TLL2: variants seen among roughly 807,000 people sequenced by gnomAD.
The protein encoded by TLL2 is tolloid like 2.
In TLL2, 106 loss-of-function variants were observed where a neutral mutation model predicts 123.0. The observed-to-expected ratio is 0.86, with a 90% CI of 0.74 to 1.01. The LOEUF (loss-of-function observed/expected upper bound fraction) is 1.01. TLL2 is among the 50% of genes least tolerant of loss of function. The pLI is 0.00. For synonymous variants in TLL2, 494 were observed against 516.8 expected (o/e 0.96, Z 0.60); for missense variants, 1,332 against 1,336.7 (o/e 1.00, Z 0.06).
rs753115752 is a variant in TLL2, at chr10:96,368,074, C to T, written c.*14G>A. 4 of 1,611,518 alleles carry T rather than the reference C, an allele frequency of 2.5e-6. No individual in the cohort carries two copies. Among genetic ancestry groups the T allele is most frequent in the Non-Finnish European group, 3.4e-6 (4 of 1,178,958 alleles). ...AAAAAAATTCTCAGTTTCTGTCTTT[C>T]AAGAACATCAGCACTATTTCTTCAT... On this transcript the variant is annotated 3_prime_UTR_variant, in exon 21 of 21. Coordinates refer to ENST00000357947, the MANE Select transcript of TLL2 (RefSeq NM_012465.4).
rs781478611 is a variant in TLL2, at chr10:96,432,834, G to A, written c.493C>T (p.Pro165Ser). ...TERIWPGGVI[P>S]YVIGGNFTGS... The stretch of plus-strand genomic sequence containing the variant: ...GTGAAGTTCCCTCCAATGACGTAGG[G>A]GATGACTCCTCCAGGCCATATCCTC... Residue 165 changes from proline to serine, a missense_variant, in exon 4 of 21, where the codon CCC becomes TCC. Transcript: ENST00000357947. 1.2e-6 allele frequency: 2 copies of A among 1,613,942 alleles called. No homozygotes were observed. Among genetic ancestry groups the A allele is most frequent in the South Asian group, 2.2e-5 (2 of 91,064 alleles).
intron 2 of TLL2, among the ~76,000 whole-genome samples, chr10:96,476,240 A>ATATTCTTTTTTTTT: frequency 4.9e-5 from 1 of 20,502 alleles, no homozygotes. Context: ...ATATATATAT[A>ATATTCTTTTTTTTT]TTTTATTTTT....
chr10:96,369,971 G>A (rs1485279702), intron 20 of TLL2, 94 bp downstream of exon 20: 1 of 1,464,930 alleles, frequency 6.8e-7, no homozygotes, highest in African/African-American at 1.4e-5. Flanking sequence ...AAGTGGAGTA[G>A]GTGGCCGGGA....
intron 2 of TLL2, among the ~76,000 whole-genome samples, chr10:96,448,164 TGCATCCTGCTC>T (rs1393499935): frequency 6.6e-6 from 1 of 152,218 alleles, no homozygotes; most frequent in Non-Finnish European, 1.5e-5. Flanking sequence ...GCTCCGCGCC[TGCATCCTGCTC>T]GTTCCGCTGC....
chr10:96,395,511 G>A, intron 12 of TLL2, 129 bp from the exon 13 acceptor site: 4 of 888,726 alleles, frequency 4.5e-6, no homozygotes, highest in Non-Finnish European at 1.6e-6. Context: ...TGTGTCCCAG[G>A]TCTCTCCATG....
intron 15 of TLL2, 86 bp from the exon 16 acceptor site, chr10:96,384,853 G>A (rs891065492): frequency 7.5e-6 from 10 of 1,339,692 alleles, no homozygotes; most frequent in Admixed American, 2.6e-5. Flanking sequence ...CTTCCTGAGC[G>A]CCTCACCCTA....
chr10:96,390,729 T>C (rs1014376209), intron 13 of TLL2, among the ~76,000 whole-genome samples: 1 of 152,190 alleles, frequency 6.6e-6, no homozygotes, highest in African/African-American at 2.4e-5. Flanking sequence ...GATGGCCTTG[T>C]TGGGAAAAGG....
intron 13 of TLL2, among the ~76,000 whole-genome samples, chr10:96,391,571 G>A (rs11597420): frequency 0.14 from 20,717 of 152,160 alleles, 1,485 homozygotes; most frequent in South Asian, 0.19. Context: ...CCAGGTTCTA[G>A]TTCCAGCCCA....
At chr10:96,403,668 G>A (rs898038087) in intron 10 of TLL2, among the ~76,000 whole-genome samples, 9 of 152,106 alleles carry the variant, frequency 5.9e-5, no homozygotes, top group African/African-American at 1.9e-4. Flanking sequence ...AGACCTGACC[G>A]TCCCCCAGCC....
chr10:96,375,790 T>C (rs1194911997), intron 18 of TLL2, among the ~76,000 whole-genome samples: 2 of 152,230 alleles, frequency 1.3e-5, no homozygotes, highest in African/African-American at 4.8e-5. Flanking sequence ...CATGGACTTT[T>C]CCCTCTCTGT....
chr10:96,504,250 C>T (rs1847559009), intron 1 of TLL2, among the ~76,000 whole-genome samples: 1 of 152,132 alleles, frequency 6.6e-6, no homozygotes, highest in Admixed American at 6.5e-5. Context: ...GAACCAAATG[C>T]CTTAGCCTAA....
chr10:96,434,398 C>A (rs1166433354), intron 3 of TLL2, among the ~76,000 whole-genome samples: 1 of 152,200 alleles, frequency 6.6e-6, no homozygotes, highest in African/African-American at 2.4e-5. Flanking sequence ...AACTTTGTTT[C>A]TATGAATTTG....
chr10:96,480,407 G>C lies in TLL2; in HGVS notation c.228C>G (p.His76Gln). 6.2e-7 allele frequency: 1 copy of C among 1,614,208 alleles called. No homozygotes were observed. The highest frequency in any genetic ancestry group is 1.1e-5 in the South Asian group (1 of 91,092). ...TGGTCCAGTCTCTGGCTTTGTCAAT[G>C]TGAAACAGCTTCAAGTCATCTTCAT... ...ALDEDDLKLFHIDKARDWTKQ... is the reference protein window; with the variant it reads ...ALDEDDLKLFQIDKARDWTKQ... Residue 76 changes from histidine (H) to glutamine (Q), a missense_variant, in exon 2 of 21, where the codon CAC becomes CAG. Coordinates refer to ENST00000357947, the MANE Select transcript of TLL2 (RefSeq NM_012465.4).
chr10:96,367,895 T>G lies in TLL2; in HGVS notation c.*193A>C. On this transcript the variant is annotated 3_prime_UTR_variant, in exon 21 of 21. Coordinates refer to ENST00000357947, the MANE Select transcript of TLL2 (RefSeq NM_012465.4). ...CATTGCAGACAGAAGCAAAAGAACA[T>G]TTTTCTCTCCACCTTGTTGGCCAAA... is the stretch of plus-strand genomic sequence containing the variant. 1 of 626,962 alleles carries G rather than the reference T, an allele frequency of 1.6e-6. No individual in the cohort carries two copies. The highest frequency in any genetic ancestry group is 2.7e-6 in the Non-Finnish European group (1 of 374,494). 38.8% of individuals were successfully genotyped at this position (626,962 alleles called of 1,614,324 possible). A position where few individuals can be genotyped will look rare whatever the true frequency, so the allele number is the denominator to read the frequency against.
At chr10:96,500,509 A>G (rs1272662758) in intron 1 of TLL2, among the ~76,000 whole-genome samples, 1 of 152,228 alleles carries the variant, frequency 6.6e-6, no homozygotes, top group African/African-American at 2.4e-5. Flanking sequence ...TTATAAAAGC[A>G]AAACAAAAAG....
At chr10:96,397,599 T>C (rs1032764589) in intron 10 of TLL2, among the ~76,000 whole-genome samples, 7 of 152,212 alleles carry the variant, frequency 4.6e-5, no homozygotes, top group Admixed American at 1.3e-4. Flanking sequence ...GCTGAGGCTC[T>C]GAAGGTGAGG....
At chr10:96,421,103 A>T (rs781263819) in intron 6 of TLL2, 42 bp from the exon 7 acceptor site, 1 of 1,528,380 alleles carries the variant, frequency 6.5e-7, no homozygotes, top group Non-Finnish European at 9.1e-7. Flanking sequence ...AAACCAAGTC[A>T]GGCACCTGAA....
At chr10:96,419,731 A>G (rs1390751688) in intron 7 of TLL2, among the ~76,000 whole-genome samples, 1 of 152,204 alleles carries the variant, frequency 6.6e-6, no homozygotes, top group Non-Finnish European at 1.5e-5. Flanking sequence ...CCATAGTCCT[A>G]TCAACAAACT....
At chr10:96,506,251 C>CAAAAAAAAAAAA (rs1210970430) in intron 1 of TLL2, among the ~76,000 whole-genome samples, 17 of 36,732 alleles carry the variant, frequency 4.6e-4, no homozygotes, top group East Asian at 3.1e-3. Context: ...GACCCCATCT[C>CAAAAAAAAAAAA]AAAAAAAAAA....
Sources: allele counts gnomAD v4.1 joint callset (sites outside exome capture counted in the v4.1 genomes callset), GRCh38; gene constraint gnomAD v4.1.1; transcripts MANE v1.5; gene names NCBI Gene and HGNC (gene_info 2026-07-23, HGNC 2026-07-21).